The following CELF2 variants were observed in gnomAD, a reference collection of about 807,000 sequenced individuals.
The protein encoded by CELF2 is CUGBP Elav-like family member 2.
CELF2 carries 8 observed loss-of-function variants against 62.6 expected under a neutral mutation model. The observed-to-expected ratio is 0.13, with a 90% CI of 0.07 to 0.23. The LOEUF is 0.23. Ranked by LOEUF, CELF2 falls within the 10% of genes least tolerant of loss-of-function variation. The pLI, the probability that CELF2 is intolerant of heterozygous loss-of-function variation, is 1.00. For synonymous variants in CELF2, 258 were observed against 250.0 expected (o/e 1.03, Z -0.30); for missense variants, 333 against 671.0 (o/e 0.50, Z 5.56).
chr10:10,496,916 A>T, the CELF2 span, among the ~76,000 whole-genome samples: 1 of 152,140 alleles, frequency 6.6e-6, no homozygotes, highest in Non-Finnish European at 1.5e-5. Flanking sequence ...CCAGCTAGGC[A>T]AAGTGGTTCA....
At chr10:10,750,411 A>G in the CELF2 span, among the ~76,000 whole-genome samples, 18 of 152,378 alleles carry the variant, frequency 1.2e-4, no homozygotes, top group African/African-American at 4.1e-4. Context: ...AATCAGAGAA[A>G]GATTCTGAAC....
At chr10:10,673,527 A>C in the CELF2 span, among the ~76,000 whole-genome samples, 2 of 151,918 alleles carry the variant, frequency 1.3e-5, no homozygotes. Flanking sequence ...TCTATTTTCA[A>C]TTTCATTGAC....
At chr10:10,845,357 GT>G (rs1449023554) in intron 1 of CELF2, among the ~76,000 whole-genome samples, 3 of 149,408 alleles carry the variant, frequency 2.0e-5, no homozygotes, top group African/African-American at 7.4e-5. Context: ...ACTGGGAGCT[GT>G]TTTGGCAAAT....
At chr10:10,733,077 C>A in the CELF2 span, among the ~76,000 whole-genome samples, 2 of 152,122 alleles carry the variant, frequency 1.3e-5, no homozygotes, top group African/African-American at 2.4e-5. Context: ...AAAATAACAT[C>A]AGGGCACAAT....
At chr10:11,203,397 C>G (rs1332844504) in intron 2 of CELF2, among the ~76,000 whole-genome samples, 1 of 152,190 alleles carries the variant, frequency 6.6e-6, no homozygotes, top group Non-Finnish European at 1.5e-5. Flanking sequence ...CGTACAAGGA[C>G]CATGTGTTAC....
intron 2 of CELF2, chr10:10,952,208 G>A (rs927943436): frequency 6.6e-6 from 1 of 152,188 alleles, no homozygotes; most frequent in African/African-American, 2.4e-5. Context: ...TTGGTTGTAC[G>A]ATCTAAGAAA....
rs1286490554 is a variant in CELF2, at chr10:11,178,698, G to A, written c.271+13016G>A. ...TGGCAGAGTTTGATTGTTTAACCTA[G>A]ACTAATCAGTCTTTGGAGGGCCTGC... On this transcript the variant is annotated intron_variant, in intron 2 of 12. Transcript: ENST00000633077. This position sits in a 1 kb window ranked among gnomAD's most constrained non-coding sequence, Gnocchi z 4.3. Among the ~76,000 whole-genome samples, 4 of 152,188 alleles carry A rather than the reference G, an allele frequency of 2.6e-5. No homozygotes were observed. Among genetic ancestry groups the A allele is most frequent in the Admixed American group, 1.3e-4 (2 of 15,284 alleles).
rs917168710 is a variant in CELF2 at position 10,938,837 on chromosome 10, C to T, written c.89+18838C>T. ...CGTGAAGCACTGCCCCACCGAGGGA[C>T]GCAGAAGCAGCTGTCTTTTTCCATC... On this transcript the variant is annotated intron_variant, in intron 2 of 13. Transcript: ENST00000636488. This position sits in a 1 kb window ranked among gnomAD's most constrained non-coding sequence, Gnocchi z 4.2. 2.0e-5 allele frequency among the ~76,000 whole-genome samples: 3 copies of T among 152,218 alleles called. No individual in the cohort carries two copies. The highest frequency in any genetic ancestry group is 6.5e-5 in the Admixed American group (1 of 15,290).
rs547578853 is a variant in CELF2 at position 10,997,771 on chromosome 10, G to A, written c.89+77772G>A. ...GAAAAGAACCTCCCTCACGGGCCCC[G>A]TAGTCGCTCACTTGTAGGGTGGTCT... is the stretch of plus-strand genomic sequence containing the variant. On this transcript the variant is annotated intron_variant, in intron 2 of 13. Coordinates refer to the CELF2 transcript ENST00000636488. This position sits in a 1 kb window ranked among gnomAD's most constrained non-coding sequence, Gnocchi z 5.3. 5.3e-5 allele frequency among the ~76,000 whole-genome samples: 8 copies of A among 152,302 alleles called. No individual in the cohort carries two copies. Among genetic ancestry groups the A allele is most frequent in the South Asian group, 2.1e-4 (1 of 4,826 alleles).
intron 1 of CELF2, among the ~76,000 whole-genome samples, chr10:10,874,849 A>G (rs1478164312): frequency 6.6e-6 from 1 of 152,232 alleles, no homozygotes; most frequent in Non-Finnish European, 1.5e-5. Flanking sequence ...CACTAATAAT[A>G]TGACGTTGAA....
At chr10:10,603,892 A>G in the CELF2 span, among the ~76,000 whole-genome samples, 4 of 152,204 alleles carry the variant, frequency 2.6e-5, no homozygotes, top group African/African-American at 9.7e-5. Flanking sequence ...CTTCAGATAT[A>G]TAACTAAAAT....
At chr10:10,770,136 T>A in the CELF2 span, among the ~76,000 whole-genome samples, 2 of 152,268 alleles carry the variant, frequency 1.3e-5, no homozygotes, top group African/African-American at 4.8e-5. Flanking sequence ...TCTAGATGGA[T>A]GCGGTGCGAT....
rs2071544593 is a variant in CELF2, at chr10:11,177,267, G to T, written c.271+11585G>T. Among the ~76,000 whole-genome samples, 1 of 152,106 alleles carries T rather than the reference G, an allele frequency of 6.6e-6. No individual in the cohort carries two copies. The highest frequency in any genetic ancestry group is 2.1e-4 in the South Asian group (1 of 4,822). ...TAAAATTAATAGCAATTCTGAGTAA[G>T]TTCCTTCTCATGTAGTTAATGCAGC... On this transcript the variant is annotated intron_variant, in intron 2 of 12. Transcript: ENST00000633077. The surrounding 1 kb of genome is among the most constrained non-coding windows in gnomAD (Gnocchi z 4.8).
chr10:10,908,446 T>C (rs796438569), intron 1 of CELF2, among the ~76,000 whole-genome samples: 79 of 151,892 alleles, frequency 5.2e-4, no homozygotes, highest in African/African-American at 1.9e-3. Flanking sequence ...GGTCTCGATC[T>C]CCTGAACTCG....
the CELF2 span, among the ~76,000 whole-genome samples, chr10:10,634,490 T>C: frequency 6.6e-6 from 1 of 152,182 alleles, no homozygotes; most frequent in Non-Finnish European, 1.5e-5. Context: ...GATATGCCTT[T>C]ATCTAAATTA....
the CELF2 span, among the ~76,000 whole-genome samples, chr10:10,631,090 T>G: frequency 6.6e-6 from 1 of 152,220 alleles, no homozygotes; most frequent in Non-Finnish European, 1.5e-5. Flanking sequence ...AAAACACAGC[T>G]GTGAACATTC....
At chr10:10,663,980 A>T in the CELF2 span, among the ~76,000 whole-genome samples, 1 of 152,224 alleles carries the variant, frequency 6.6e-6, no homozygotes, top group Non-Finnish European at 1.5e-5. Context: ...GCTAGAGCTT[A>T]TCTTCAAGAA....
At chr10:10,643,905 C>T in the CELF2 span, among the ~76,000 whole-genome samples, 4 of 152,176 alleles carry the variant, frequency 2.6e-5, no homozygotes, top group East Asian at 1.9e-4. Flanking sequence ...GGTTATAAAT[C>T]GTAACCCATT....
the CELF2 span, among the ~76,000 whole-genome samples, chr10:10,698,250 T>A: frequency 6.6e-5 from 10 of 152,182 alleles, no homozygotes; most frequent in Non-Finnish European, 1.2e-4. Flanking sequence ...GGAAAAGAAC[T>A]GAAGCCAATG....
Sources: allele counts gnomAD v4.1 joint callset (sites outside exome capture counted in the v4.1 genomes callset), GRCh38; gene constraint gnomAD v4.1.1; non-coding constraint Gnocchi (gnomAD v3.1); transcripts MANE v1.5; gene names NCBI Gene and HGNC (gene_info 2026-07-23, HGNC 2026-07-21).